Variants in NTRK3 observed in about 807,000 individuals in gnomAD.
NTRK3 encodes the protein NT-3 growth factor receptor.
A neutral mutation model predicts 91.7 loss-of-function variants in NTRK3; 24 were observed. The ratio of observed to expected loss-of-function variants is 0.26; its 90% CI spans 0.19 to 0.37. NTRK3 has a LOEUF of 0.37. NTRK3 is among the 10% of genes least tolerant of loss of function. The pLI, the probability that NTRK3 is intolerant of heterozygous loss-of-function variation, is 1.00. For synonymous variants in NTRK3, 483 were observed against 404.0 expected, an observed-to-expected ratio of 1.20 and a Z score of -2.34; for missense variants, 880 against 1,068.9, an observed-to-expected ratio of 0.82 and a Z score of 2.46.
intron 5 of NTRK3, among the ~76,000 whole-genome samples, chr15:88,174,891 G>A (rs952127785): frequency 2.6e-5 from 4 of 152,190 alleles, no homozygotes; most frequent in Non-Finnish European, 5.9e-5. Flanking sequence ...TCTGTCAAAG[G>A]TGTGAGCTGT....
intron 14 of NTRK3, among the ~76,000 whole-genome samples, chr15:88,025,873 C>T (rs1381898145): frequency 6.6e-6 from 1 of 152,152 alleles, no homozygotes; most frequent in Admixed American, 6.6e-5. Context: ...AAATGAGAAT[C>T]GCTTGAACCC....
chr15:88,127,288 C>G (rs2053392653), intron 11 of NTRK3, 62 bp from the exon 12 acceptor site: 4 of 1,383,584 alleles, frequency 2.9e-6, no homozygotes, highest in Non-Finnish European at 3.1e-6. Context: ...GGCTCAGCCA[C>G]AGTCCCTGCC....
intron 13 of NTRK3, among the ~76,000 whole-genome samples, chr15:88,050,758 TACAG>T (rs1346696236): frequency 1.3e-5 from 2 of 152,194 alleles, no homozygotes; most frequent in African/African-American, 4.8e-5. Flanking sequence ...ACTTCCATTT[TACAG>T]ACAAAGAAAT....
At chr15:87,947,360 TCAACCCCTG>T (rs1567139710) in intron 14 of NTRK3, among the ~76,000 whole-genome samples, 24 of 151,718 alleles carry the variant, frequency 1.6e-4, no homozygotes, top group African/African-American at 5.8e-4. Context: ...ACAGCCCCCT[TCAACCCCTG>T]CAACCCCTAC....
intron 13 of NTRK3, among the ~76,000 whole-genome samples, chr15:88,056,107 C>G (rs1037308358): frequency 6.6e-6 from 1 of 150,814 alleles, no homozygotes. Flanking sequence ...GTTAAGCCTC[C>G]TGGAGCTCTC....
At chr15:88,168,391 C>T (rs1251658496) in intron 5 of NTRK3, among the ~76,000 whole-genome samples, 1 of 151,900 alleles carries the variant, frequency 6.6e-6, no homozygotes, top group Non-Finnish European at 1.5e-5. Context: ...GGGAGGAGTA[C>T]AAAGAAAGAA....
intron 3 of NTRK3, among the ~76,000 whole-genome samples, chr15:88,202,369 G>T (rs527650617): frequency 6.6e-6 from 1 of 152,252 alleles, no homozygotes; most frequent in South Asian, 2.1e-4. Context: ...TGGGAGACAG[G>T]GCTCCTCTCC....
intron 13 of NTRK3, among the ~76,000 whole-genome samples, chr15:88,101,270 T>TC (rs535665137): frequency 9.6e-4 from 147 of 152,356 alleles, no homozygotes; most frequent in African/African-American, 3.4e-3. Context: ...GAAAAAATGC[T>TC]CATCATCACT....
chr15:87,902,226 G>A (rs1036087939), intron 17 of NTRK3, among the ~76,000 whole-genome samples: 6 of 152,214 alleles, frequency 3.9e-5, no homozygotes, highest in Admixed American at 3.3e-4. Context: ...TTTGCTTCCT[G>A]TGTCTTTCTC....
intron 3 of NTRK3, among the ~76,000 whole-genome samples, chr15:88,248,963 T>C (rs766636264): frequency 2.0e-5 from 3 of 152,112 alleles, no homozygotes; most frequent in African/African-American, 4.8e-5. Context: ...TTCTTATAGA[T>C]AAGGAAATTG....
At chr15:88,191,901 CT>C (rs1487239018) in intron 3 of NTRK3, among the ~76,000 whole-genome samples, 2 of 152,224 alleles carry the variant, frequency 1.3e-5, no homozygotes, top group African/African-American at 4.8e-5. Flanking sequence ...TGCTAGATGC[CT>C]GGGGAGCCAG....
chr15:88,053,090 G>A (rs943350518), intron 13 of NTRK3, among the ~76,000 whole-genome samples: 2 of 152,118 alleles, frequency 1.3e-5, no homozygotes, highest in East Asian at 1.9e-4. Flanking sequence ...TAGGAACTGG[G>A]GATACAAAAC....
chr15:87,870,762 CTGAG>C (rs2141408070), exon 19 of NTRK3: 1 of 224,122 alleles, frequency 4.5e-6, no homozygotes, highest in African/African-American at 2.2e-5. Flanking sequence ...AAAGCAAGAC[CTGAG>C]TGCCTCAATG....
At chr15:88,218,590 C>A (rs1040607923) in intron 3 of NTRK3, among the ~76,000 whole-genome samples, 1 of 152,194 alleles carries the variant, frequency 6.6e-6, no homozygotes, top group African/African-American at 2.4e-5. Context: ...GAGTTTTAAC[C>A]ACCATGCTGT....
In NTRK3 at chr15:87,939,062, A is replaced by T. The variant is rs142598485; in HGVS notation, c.1716+1561T>A. On this transcript the variant is annotated intron_variant, in intron 15 of 18. Coordinates refer to ENST00000394480, the Ensembl canonical transcript of NTRK3. ...TGTATTGTTATGCTGCTTTCCAACAACACAGGAAGAGTTGCAATGGAGAGT... is the reference window on the plus strand; with the variant it reads ...TGTATTGTTATGCTGCTTTCCAACATCACAGGAAGAGTTGCAATGGAGAGT... 3.9e-3 allele frequency among the ~76,000 whole-genome samples: 600 copies of T among 152,316 alleles called. 3 individuals carry two copies. Among genetic ancestry groups the T allele is most frequent in the Non-Finnish European group, 6.7e-3 (454 of 68,016 alleles).
intron 13 of NTRK3, among the ~76,000 whole-genome samples, chr15:88,033,979 T>C (rs951814997): frequency 2.6e-5 from 4 of 152,144 alleles, no homozygotes; most frequent in African/African-American, 7.2e-5. Context: ...GGGTGCAAGC[T>C]GGACATCAGA....
chr15:87,884,861 C>T (rs932230804), intron 17 of NTRK3, among the ~76,000 whole-genome samples: 2 of 151,696 alleles, frequency 1.3e-5, no homozygotes, highest in African/African-American at 2.4e-5. Flanking sequence ...ACTGACAAAA[C>T]GTTAGGAAAA....
rs1330466864 is a variant in NTRK3, at chr15:88,237,596, C to A, written c.248+18310G>T. 6.6e-6 allele frequency among the ~76,000 whole-genome samples: 1 copy of A among 152,196 alleles called. No homozygotes were observed. The highest frequency in any genetic ancestry group is 2.4e-5 in the African/African-American group (1 of 41,446). Reference sequence around the variant, plus strand: ...ACACCTGAGATCTAAATTTAAAACACAGAACTGTCCTGTGGACCCTTCTCA... The same window carrying A: ...ACACCTGAGATCTAAATTTAAAACAAAGAACTGTCCTGTGGACCCTTCTCA... On this transcript the variant is annotated intron_variant, in intron 3 of 18. Coordinates refer to ENST00000394480, the Ensembl canonical transcript of NTRK3. This position sits in a 1 kb window ranked among gnomAD's most constrained non-coding sequence, Gnocchi z 4.0.
intron 17 of NTRK3, among the ~76,000 whole-genome samples, chr15:87,914,050 C>A (rs1194064205): frequency 6.6e-6 from 1 of 152,172 alleles, no homozygotes; most frequent in Non-Finnish European, 1.5e-5. Flanking sequence ...TGCTGAGAAG[C>A]CAGGAACCCT....
Sources: allele counts gnomAD v4.1 joint callset (sites outside exome capture counted in the v4.1 genomes callset), GRCh38; gene constraint gnomAD v4.1.1; non-coding constraint Gnocchi (gnomAD v3.1); transcripts MANE v1.5; gene names NCBI Gene and HGNC (gene_info 2026-07-23, HGNC 2026-07-21).